TYR: variants seen among roughly 807,000 people sequenced by gnomAD.
TYR encodes LB24-AB.
In TYR, 58 loss-of-function variants were observed where a neutral mutation model predicts 51.5. The observed-to-expected ratio is 1.13, with a 90% confidence interval of 0.91 to 1.40. TYR has a LOEUF of 1.40. Ranked by LOEUF, TYR falls within the 40% of genes most tolerant of loss-of-function variation. The pLI, the probability that TYR is intolerant of heterozygous loss-of-function variation, is 0.00. For synonymous variants in TYR, 263 were observed against 235.2 expected, an observed-to-expected ratio of 1.12 and a Z score of -1.08; for missense variants, 732 against 647.4, an observed-to-expected ratio of 1.13 and a Z score of -1.42.
At chr11:89,233,479 G>T (rs1185233097) in intron 3 of TYR, among the ~76,000 whole-genome samples, 1 of 137,826 alleles carries the variant, frequency 7.3e-6, no homozygotes, top group African/African-American at 2.9e-5. Context: ...ATCTAGAATG[G>T]CGACTCCTTT....
chr11:89,259,025 T>C (rs1291942651), intron 3 of TYR, among the ~76,000 whole-genome samples: 10 of 152,074 alleles, frequency 6.6e-5, no homozygotes, highest in Non-Finnish European at 1.5e-4. Flanking sequence ...TCAGTGGGTG[T>C]CTTTTTTTAA....
chr11:89,236,639 G>A (rs377195425), intron 3 of TYR, among the ~76,000 whole-genome samples: 6 of 152,174 alleles, frequency 3.9e-5, no homozygotes, highest in Non-Finnish European at 8.8e-5. Context: ...CTCTCAAGTT[G>A]CTACCTATGA....
At chr11:89,269,616 C>G (rs929341241) in intron 3 of TYR, among the ~76,000 whole-genome samples, 11 of 151,966 alleles carry the variant, frequency 7.2e-5, no homozygotes, top group African/African-American at 2.2e-4. Context: ...TACTGATTCC[C>G]CAAGGGTTTG....
intron 4 of TYR, among the ~76,000 whole-genome samples, chr11:89,288,339 C>G (rs1205149676): frequency 6.6e-6 from 1 of 151,818 alleles, no homozygotes; most frequent in East Asian, 1.9e-4. Context: ...ATACTGAATC[C>G]AAAACTTCAT....
At chr11:89,222,242 T>C (rs540242182) in intron 2 of TYR, among the ~76,000 whole-genome samples, 3 of 152,324 alleles carry the variant, frequency 2.0e-5, no homozygotes, top group African/African-American at 7.2e-5. Context: ...CCAGCTTAAT[T>C]CAGTGCAGTG....
At chr11:89,210,586 G>A (rs145583048) in intron 2 of TYR, among the ~76,000 whole-genome samples, 3,829 of 152,188 alleles carry the variant, frequency 0.025, 172 homozygotes, top group African/African-American at 0.088. Context: ...AGCAAGGCAG[G>A]CCAACATTCA....
At chr11:89,179,360 G>C (rs555884147) in intron 1 of TYR, among the ~76,000 whole-genome samples, 102 of 152,284 alleles carry the variant, frequency 6.7e-4, no homozygotes, top group Non-Finnish European at 1.2e-3. Flanking sequence ...ATTTTTGAAA[G>C]TATGAAGATC....
intron 1 of TYR, among the ~76,000 whole-genome samples, chr11:89,179,834 T>G (rs1466831110): frequency 6.6e-6 from 1 of 152,204 alleles, no homozygotes; most frequent in Non-Finnish European, 1.5e-5. Flanking sequence ...TGTGCTTAAT[T>G]ATTTATCATT....
rs1198893201 is a variant in TYR, at chr11:89,232,243, A to G, written c.1184+4273A>G. Reference sequence around the variant, plus strand: ...CCACTACAATAAAGTGAATATCTCAATAGAGACACAAAGTTTTGGGTTTCC... The same window carrying G: ...CCACTACAATAAAGTGAATATCTCAGTAGAGACACAAAGTTTTGGGTTTCC... On this transcript the variant is annotated intron_variant, in intron 3 of 4. Coordinates refer to ENST00000263321, the MANE Select transcript of TYR (RefSeq NM_000372.5). Among the ~76,000 whole-genome samples the G allele has an allele frequency of 2.1e-5, 3 of 143,510 alleles. 1 individual carries two copies. Among genetic ancestry groups the G allele is most frequent in the African/African-American group, 8.3e-5 (3 of 36,356 alleles). 94.1% of individuals were successfully genotyped at this position (143,510 alleles called of 152,430 possible).
At position 89,178,344 on chromosome 11, in the gene TYR, A is replaced by C; in HGVS notation, c.391A>C (p.Lys131Gln). Residue 131 changes from lysine to glutamine, a missense_variant, in exon 1 of 5, where the codon AAG becomes CAG. Lys to Gln is a moderately conservative substitution (Grantham distance 53, BLOSUM62 1). Coordinates refer to ENST00000263321, the MANE Select transcript of TYR (RefSeq NM_000372.5). ...CATCTTCGATTTGAGTGCCCCAGAG[A>C]AGGACAAATTTTTTGCCTACCTCAC... Reference protein sequence around the residue: ...RNIFDLSAPEKDKFFAYLTLA... With the variant: ...RNIFDLSAPEQDKFFAYLTLA... The C allele has an allele frequency of 6.2e-7, 1 of 1,614,162 alleles. No individual in the cohort carries two copies. The highest frequency in any genetic ancestry group is 8.5e-7 in the Non-Finnish European group (1 of 1,180,018).
intron 3 of TYR, among the ~76,000 whole-genome samples, chr11:89,267,499 T>A (rs936014141): frequency 2.3e-4 from 35 of 151,992 alleles, no homozygotes; most frequent in Non-Finnish European, 4.0e-4. Context: ...CTACATACAT[T>A]TCCTGTACTT....
intron 3 of TYR, among the ~76,000 whole-genome samples, chr11:89,236,237 C>T (rs1356038431): frequency 6.7e-6 from 1 of 148,392 alleles, no homozygotes; most frequent in African/African-American, 2.5e-5. Flanking sequence ...CACACACATA[C>T]ACACACACAC....
chr11:89,275,463 C>T (rs866596278), intron 3 of TYR, among the ~76,000 whole-genome samples: 31 of 152,048 alleles, frequency 2.0e-4, no homozygotes, highest in African/African-American at 7.5e-4. Context: ...AACCCCAGAT[C>T]TTCTACTGCT....
At chr11:89,244,293 C>G (rs10830245) in intron 3 of TYR, among the ~76,000 whole-genome samples, 68,034 of 150,340 alleles carry the variant, frequency 0.45, 16,566 homozygotes, top group African/African-American at 0.64. Context: ...TAGATTGATT[C>G]AATAAAGAGA....
chr11:89,179,559 A>G (rs997479364), intron 1 of TYR, among the ~76,000 whole-genome samples: 7 of 152,194 alleles, frequency 4.6e-5, no homozygotes, highest in Non-Finnish European at 1.0e-4. Flanking sequence ...CAGCAAAAAA[A>G]AAATCACATT....
chr11:89,199,212 A>G (rs139101928), intron 2 of TYR, among the ~76,000 whole-genome samples: 2,883 of 152,254 alleles, frequency 0.019, 88 homozygotes, highest in African/African-American at 0.066. Flanking sequence ...ATAGTGCCGC[A>G]ATAAACATAT....
chr11:89,250,234 A>T (rs1376953968), intron 3 of TYR, among the ~76,000 whole-genome samples: 1 of 152,024 alleles, frequency 6.6e-6, no homozygotes, highest in Non-Finnish European at 1.5e-5. Flanking sequence ...TATCTGCTTG[A>T]TATTACACAA....
chr11:89,285,492 T>C (rs991034088), intron 4 of TYR, among the ~76,000 whole-genome samples: 1 of 151,796 alleles, frequency 6.6e-6, no homozygotes, highest in Non-Finnish European at 1.5e-5. Context: ...GCTATTATAA[T>C]GTTTATTGCT....
chr11:89,224,018 T>C (rs183332179), intron 2 of TYR, among the ~76,000 whole-genome samples: 2 of 151,834 alleles, frequency 1.3e-5, no homozygotes, highest in Admixed American at 6.6e-5. Context: ...GCTCTTAAAA[T>C]GTCGGTCCAT....
Sources: allele counts gnomAD v4.1 joint callset (sites outside exome capture counted in the v4.1 genomes callset), GRCh38; gene constraint gnomAD v4.1.1; transcripts MANE v1.5; gene names NCBI Gene and HGNC (gene_info 2026-07-23, HGNC 2026-07-21).